The following PSD variants were observed in gnomAD, a reference collection of about 807,000 sequenced individuals.
PSD encodes the protein PH and SEC7 domain-containing protein 1.
Under a neutral mutation model 91.6 loss-of-function variants are expected in PSD, and 32 were observed. The ratio of observed to expected loss-of-function variants is 0.35; its 90% CI spans 0.26 to 0.47. PSD has a LOEUF of 0.47. Ranked by LOEUF, PSD falls within the 20% of genes least tolerant of loss-of-function variation. The pLI is 1.00. For missense variants in PSD, 1,099 were observed against 1,373.9 expected, an observed-to-expected ratio of 0.80 and a Z score of 3.16; for synonymous variants, 532 against 569.3, an observed-to-expected ratio of 0.93 and a Z score of 0.93.
At position 102,404,160 on chromosome 10, in the gene PSD, A is replaced by G. The variant is rs2135448151; in HGVS notation, c.2701-175T>C. Among the ~76,000 whole-genome samples the G allele has an allele frequency of 6.6e-6, 1 of 152,298 alleles. No individual in the cohort carries two copies. Among genetic ancestry groups the G allele is most frequent in the South Asian group, 2.1e-4 (1 of 4,822 alleles). The stretch of plus-strand genomic sequence containing the variant: ...TCAGGAGATCGAGACCATCCTGGCT[A>G]ACACGGTGAAACCCCGTCTCTACTA... On this transcript the variant is annotated intron_variant, in intron 15 of 16. Transcript: ENST00000020673. This position sits in a 1 kb window ranked among gnomAD's most constrained non-coding sequence, Gnocchi z 5.7.
intron 7 of PSD, 111 bp downstream of exon 7, chr10:102,412,036 G>T: frequency 8.1e-7 from 1 of 1,232,488 alleles, no homozygotes; most frequent in Non-Finnish European, 1.2e-6. Flanking sequence ...ATCTTGGGAA[G>T]GGTGATGTCA....
chr10:102,403,533 GC>G lies in PSD; in HGVS notation c.2845-104del, dbSNP rs2135446830. 1 of 1,147,320 alleles carries G rather than the reference GC, an allele frequency of 8.7e-7. No individual in the cohort carries two copies. The highest frequency in any genetic ancestry group is 2.6e-5 in the East Asian group (1 of 38,892). 71.1% of individuals were successfully genotyped at this position (1,147,320 alleles called of 1,614,324 possible). ...GCCAGCAGGGCAGAAGATGGCAGGT[GC>G]CCACCCAGGACTGTGAGATGGTCCC... On this transcript the variant is annotated intron_variant, in intron 16 of 16. Coordinates refer to ENST00000020673, the MANE Select transcript of PSD (RefSeq NM_002779.5). The surrounding 1 kb of genome is among the most constrained non-coding windows in gnomAD (Gnocchi z 6.7).
In PSD at chr10:102,410,633, T is replaced by G. The variant is rs996759983; in HGVS notation, c.2091+225A>C. On this transcript the variant is annotated intron_variant, in intron 10 of 16. Transcript: ENST00000020673. This position sits in a 1 kb window ranked among gnomAD's most constrained non-coding sequence, Gnocchi z 6.0. ...CAGAGCCGGGTCCCCTCCCCCGCCGTGCGCAGTCGCGACCGCACGCATGTG... is the reference window on the plus strand; with the variant it reads ...CAGAGCCGGGTCCCCTCCCCCGCCGGGCGCAGTCGCGACCGCACGCATGTG... 6.6e-6 allele frequency among the ~76,000 whole-genome samples: 1 copy of G among 152,156 alleles called. No homozygotes were observed. The highest frequency in any genetic ancestry group is 2.1e-4 in the South Asian group (1 of 4,834).
chr10:102,414,159 A>G lies in PSD; in HGVS notation c.1163T>C (p.Phe388Ser). 3 of 1,613,706 alleles carry G rather than the reference A, an allele frequency of 1.9e-6. No homozygotes were observed. The highest frequency in any genetic ancestry group is 1.1e-5 in the South Asian group (1 of 91,060). The change falls in exon 5 of 17, where the codon TTT (phenylalanine) becomes TCT (serine). Residue 388 changes from phenylalanine to serine, a missense_variant. Phe to Ser is a radical substitution (Grantham distance 155). Coordinates refer to ENST00000020673, the MANE Select transcript of PSD (RefSeq NM_002779.5). This position sits in a 1 kb window ranked among gnomAD's most constrained non-coding sequence, Gnocchi z 5.6. ...SRMPLKSPVP[F>S]LPGTSPSADG... ...AGCCGAGGGGCTCGTCCCAGGTAGAAAGGGCACAGGTGACTTGAGAGGCAT... is the reference window on the plus strand; with the variant it reads ...AGCCGAGGGGCTCGTCCCAGGTAGAGAGGGCACAGGTGACTTGAGAGGCAT...
At chr10:102,419,157 C>T (rs1589899124), upstream of PSD, 1 of 218,136 alleles carries the variant, frequency 4.6e-6, no homozygotes, top group East Asian at 1.3e-4. The surrounding 1 kb of genome is among the most constrained non-coding windows in gnomAD (Gnocchi z 4.8). Context: ...CACACGCGCT[C>T]CCGCCCCCAC....
rs2061419207 is a variant in PSD, at chr10:102,410,961, C to G, written c.2002-14G>C. 6.2e-7 allele frequency: 1 copy of G among 1,612,570 alleles called. No homozygotes were observed. Among genetic ancestry groups the G allele is most frequent in the Admixed American group, 1.7e-5 (1 of 60,022 alleles). On this transcript the variant is annotated splice_polypyrimidine_tract_variant and intron_variant, in intron 9 of 16. Transcript: ENST00000020673. The surrounding 1 kb of genome is among the most constrained non-coding windows in gnomAD (Gnocchi z 6.0). The stretch of plus-strand genomic sequence containing the variant: ...CTTCCCGATGTTCTAAGGAAGGGAA[C>G]GGAGGCCTGTGAGTTTGGAGGGCCC...
intron 11 of PSD, among the ~76,000 whole-genome samples, chr10:102,406,777 T>C (rs1050706733): frequency 2.0e-5 from 3 of 152,236 alleles, no homozygotes; most frequent in Non-Finnish European, 4.4e-5. Flanking sequence ...AGTGCTGGGA[T>C]TACAGGCGTG....
chr10:102,411,630 C>T lies in PSD; in HGVS notation c.1942+77G>A, dbSNP rs943080795. 4 of 1,056,504 alleles carry T rather than the reference C, an allele frequency of 3.8e-6. No homozygotes were observed. The African/African-American group carries it at 6.3e-5, about 17-fold the overall frequency. The allele number at this position is 1,056,504 out of a possible 1,614,324, so 65.4% of individuals were successfully genotyped here. ...CCCTGCTGTACACACACTCATGCTC[C>T]TGTACACACACACAGGGCCCAGCCC... On this transcript the variant is annotated intron_variant, in intron 8 of 16. Coordinates refer to ENST00000020673, the MANE Select transcript of PSD (RefSeq NM_002779.5).
chr10:102,405,764 G>T lies in PSD; in HGVS notation c.2136-228C>A. 1 of 553,432 alleles carries T rather than the reference G, an allele frequency of 1.8e-6. No homozygotes were observed. Among genetic ancestry groups the T allele is most frequent in the Non-Finnish European group, 3.2e-6 (1 of 309,088 alleles). The allele number at this position is 553,432 out of a possible 1,614,324, so 34.3% of individuals were successfully genotyped here. ...AGCTCCCCAGCCTAGAGCCACCACT[G>T]TCCCTTCCTCCCAGCAAGTAGGGCC... On this transcript the variant is annotated intron_variant, in intron 11 of 16. Coordinates refer to ENST00000020673, the MANE Select transcript of PSD (RefSeq NM_002779.5). This position sits in a 1 kb window ranked among gnomAD's most constrained non-coding sequence, Gnocchi z 5.4.
At chr10:102,418,565 A>G in intron 1 of PSD, 136 bp downstream of exon 1, 1 of 376,726 alleles carries the variant, frequency 2.7e-6, no homozygotes, top group Non-Finnish European at 5.5e-6. Flanking sequence ...ATAACCAGGT[A>G]AAGGGGCCTC....
At chr10:102,411,562 G>A (rs1565224775) in intron 8 of PSD, 145 bp downstream of exon 8, 6 of 682,496 alleles carry the variant, frequency 8.8e-6, no homozygotes, top group Non-Finnish European at 1.1e-5. Flanking sequence ...AGCGCTGTCT[G>A]CACACATGCA....
chr10:102,416,575 G>A lies in PSD; in HGVS notation c.464C>T (p.Thr155Ile). 1 of 1,598,380 alleles carries A rather than the reference G, an allele frequency of 6.3e-7. No homozygotes were observed. Among genetic ancestry groups the A allele is most frequent in the Non-Finnish European group, 8.5e-7 (1 of 1,171,882 alleles). ...TCCTCTGGCGGGGAGTGGGTCTGATGTGGATGCTTCCAGCCGTAACTTCCG... is the reference window on the plus strand; with the variant it reads ...TCCTCTGGCGGGGAGTGGGTCTGATATGGATGCTTCCAGCCGTAACTTCCG... ...SNRKLRLEAS[T>I]SDPLPARGGS... Residue 155 changes from threonine to isoleucine, a missense_variant, in exon 2 of 17, where the codon ACA (threonine) becomes ATA (isoleucine). By Grantham distance (89) the Thr-to-Ile change is moderately conservative (BLOSUM62 -1). Transcript: ENST00000020673. This position sits in a 1 kb window ranked among gnomAD's most constrained non-coding sequence, Gnocchi z 6.0.
In PSD at chr10:102,405,162, C is replaced by T; in HGVS notation, c.2397+21G>A. ...CCAGCCAACTCAGTCCCAGCCCCAG[C>T]CCCCTGGCCTGACCCCGCACCTTCT... On this transcript the variant is annotated intron_variant, in intron 13 of 16. Transcript: ENST00000020673. The surrounding 1 kb of genome is among the most constrained non-coding windows in gnomAD (Gnocchi z 5.4). 3 of 1,610,532 alleles carry T rather than the reference C, an allele frequency of 1.9e-6. No homozygotes were observed. Among genetic ancestry groups the T allele is most frequent in the South Asian group, 2.2e-5 (2 of 91,054 alleles).
rs1452142111 is a variant in PSD at position 102,404,742 on chromosome 10, C to T, written c.2556-15G>A. On this transcript the variant is annotated splice_polypyrimidine_tract_variant and intron_variant, in intron 14 of 16. Coordinates refer to ENST00000020673, the MANE Select transcript of PSD (RefSeq NM_002779.5). This position sits in a 1 kb window ranked among gnomAD's most constrained non-coding sequence, Gnocchi z 5.7. Reference sequence around the variant, plus strand: ...GCTCCAGGCTCCTGGGGAGAAAGCACAGCCCTTTGGGACCTGGGCCCAGGG... The same window carrying T: ...GCTCCAGGCTCCTGGGGAGAAAGCATAGCCCTTTGGGACCTGGGCCCAGGG... 2 of 1,562,380 alleles carry T rather than the reference C, an allele frequency of 1.3e-6. No individual in the cohort carries two copies. The highest frequency in any genetic ancestry group is 1.4e-5 in the African/African-American group (1 of 73,608).
chr10:102,405,450 C>T lies in PSD; in HGVS notation c.2222G>A (p.Ser741Asn). ...CAGGTCCAGGAAAGGGCTGGAGCCA[C>T]TGCCACTGCCCCCGCTGATCCGCTT... ...VIKRISGGSG[S>N]GSSPFLDLTP... Residue 741 changes from serine to asparagine, a missense_variant, in exon 12 of 17, where the codon AGT becomes AAT. Around this residue, in one of 3 missense-constraint regions of PSD, gnomAD observed 358 missense variants for 426.5 expected, o/e 0.84. Coordinates refer to ENST00000020673, the MANE Select transcript of PSD (RefSeq NM_002779.5). The surrounding 1 kb of genome is among the most constrained non-coding windows in gnomAD (Gnocchi z 5.4). The T allele has an allele frequency of 1.2e-6, 2 of 1,614,010 alleles. No homozygotes were observed. Among genetic ancestry groups the T allele is most frequent in the Middle Eastern group, 3.3e-4 (2 of 6,060 alleles).
chr10:102,410,707 C>A lies in PSD; in HGVS notation c.2091+151G>T. 1.5e-6 allele frequency: 1 copy of A among 677,626 alleles called. No homozygotes were observed. Among genetic ancestry groups the A allele is most frequent in the Non-Finnish European group, 2.6e-6 (1 of 379,096 alleles). The allele number at this position is 677,626 out of a possible 1,614,324, so 42.0% of individuals were successfully genotyped here. A position where few individuals can be genotyped will look rare whatever the true frequency, so the allele number is the denominator to read the frequency against. On this transcript the variant is annotated intron_variant, in intron 10 of 16. Transcript: ENST00000020673. This position sits in a 1 kb window ranked among gnomAD's most constrained non-coding sequence, Gnocchi z 6.0. ...CGTGGGGCCTGGGGAGGGGGCGGTC[C>A]CCAGGCTGAGTCACGAGAGCCCGGG...
At position 102,403,564 on chromosome 10, in the gene PSD, G is replaced by C. The variant is rs773082705; in HGVS notation, c.2845-134C>G. ...CCAGGACTGTGAGATGGTCCCATGC[G>C]GGCTGGTGCCCCCTCTGGGCTCTCC... On this transcript the variant is annotated intron_variant, in intron 16 of 16. Transcript: ENST00000020673. This position sits in a 1 kb window ranked among gnomAD's most constrained non-coding sequence, Gnocchi z 6.7. 1.4e-5 allele frequency: 13 copies of C among 914,890 alleles called. No homozygotes were observed. The South Asian group carries it at 2.2e-4, about 16-fold the overall frequency. The allele number at this position is 914,890 out of a possible 1,614,324, so 56.7% of individuals were successfully genotyped here. A position where few individuals can be genotyped will look rare whatever the true frequency, so the allele number is the denominator to read the frequency against.
chr10:102,418,365 C>T (rs1361166124), intron 1 of PSD, among the ~76,000 whole-genome samples: 2 of 152,134 alleles, frequency 1.3e-5, no homozygotes, highest in Non-Finnish European at 2.9e-5. Context: ...GTATCAGACA[C>T]TCACAGAGAC....
In PSD at chr10:102,416,434, C is replaced by G; in HGVS notation, c.605G>C (p.Arg202Pro). The G allele has an allele frequency of 6.2e-7, 1 of 1,611,300 alleles. No homozygotes were observed. The highest frequency in any genetic ancestry group is 8.5e-7 in the Non-Finnish European group (1 of 1,178,930). Reference sequence around the variant, plus strand: ...AGGTCCTCCGAAGAGTGTGGCCAGGCGCTCAGGGGGGCCCCCCAGCCCATT... The same window carrying G: ...AGGTCCTCCGAAGAGTGTGGCCAGGGGCTCAGGGGGGCCCCCCAGCCCATT... ...LPNGLGGPPERLATLFGGPAD... is the reference protein window; with the variant it reads ...LPNGLGGPPEPLATLFGGPAD... The change falls in exon 2 of 17, where the codon CGC (arginine) becomes CCC (proline). Residue 202 changes from arginine to proline, a missense_variant. This residue lies in a region of PSD where 631 missense variants were observed against 728.8 expected (regional missense o/e 0.87). Transcript: ENST00000020673. This position sits in a 1 kb window ranked among gnomAD's most constrained non-coding sequence, Gnocchi z 6.0.
Sources: allele counts gnomAD v4.1 joint callset (sites outside exome capture counted in the v4.1 genomes callset), GRCh38; gene constraint gnomAD v4.1.1; regional missense constraint gnomAD v4.1.1; non-coding constraint Gnocchi (gnomAD v3.1); transcripts MANE v1.5; gene names NCBI Gene and HGNC (gene_info 2026-07-23, HGNC 2026-07-21).